LMO7: variants seen among roughly 807,000 people sequenced by gnomAD.
LMO7 encodes the protein LIM domain only protein 7.
Under a neutral mutation model 206.5 loss-of-function variants are expected in LMO7, and 120 were observed. The observed-to-expected ratio is 0.58, with a 90% CI of 0.50 to 0.68. The LOEUF (loss-of-function observed/expected upper bound fraction) is 0.68. Ranked by LOEUF, LMO7 falls within the 30% of genes least tolerant of loss-of-function variation. The probability of loss-of-function intolerance (pLI) is 0.00; values close to 1 mark genes in which losing one functional copy is unlikely to be tolerated. For missense variants in LMO7, 1,959 were observed against 1,957.9 expected (o/e 1.00, Z -0.01); for synonymous variants, 706 against 681.5 (o/e 1.04, Z -0.56).
At chr13:75,638,593 A>G (rs967044137) in intron 1 of LMO7, among the ~76,000 whole-genome samples, 2 of 152,146 alleles carry the variant, frequency 1.3e-5, no homozygotes, top group Non-Finnish European at 2.9e-5. Context: ...CCCACTTGGA[A>G]CAAGGCAGTA....
chr13:75,847,001 A>C (rs1208849228), intron 26 of LMO7, among the ~76,000 whole-genome samples: 1 of 149,182 alleles, frequency 6.7e-6, no homozygotes, highest in Non-Finnish European at 1.5e-5. Flanking sequence ...ACTGCACTCC[A>C]GCCTGGGTGA....
intron 1 of LMO7, among the ~76,000 whole-genome samples, chr13:75,705,099 C>T (rs903639766): frequency 5.3e-5 from 8 of 152,176 alleles, no homozygotes; most frequent in African/African-American, 1.9e-4. Context: ...GGCCGCTCCG[C>T]CCTTCATATG....
intron 4 of LMO7, among the ~76,000 whole-genome samples, chr13:75,786,436 G>A (rs543437977): frequency 1.5e-3 from 229 of 150,346 alleles, no homozygotes; most frequent in African/African-American, 5.3e-3. Flanking sequence ...GTGCAGTGGC[G>A]CAATCTCGGC....
intron 1 of LMO7, among the ~76,000 whole-genome samples, chr13:75,640,222 C>A (rs894650956): frequency 0.028 from 17 of 606 alleles, no homozygotes; most frequent in Admixed American, 0.12. Flanking sequence ...AAAGATTTAC[C>A]ATAGTGATTA....
At chr13:75,672,794 T>C (rs1159735450) in intron 1 of LMO7, among the ~76,000 whole-genome samples, 1 of 122,816 alleles carries the variant, frequency 8.1e-6, no homozygotes, top group Admixed American at 7.8e-5. Context: ...TTTATATTTA[T>C]CTGATAAGTG....
chr13:75,808,258 T>TCG, intron 10 of LMO7, 59 bp downstream of exon 10: 1 of 1,498,208 alleles, frequency 6.7e-7, no homozygotes, highest in African/African-American at 1.4e-5. Flanking sequence ...GTAACTTTTC[T>TCG]CATGCGAGAA....
intron 1 of LMO7, among the ~76,000 whole-genome samples, chr13:75,642,656 A>G (rs1410801032): frequency 6.6e-6 from 1 of 152,124 alleles, no homozygotes; most frequent in African/African-American, 2.4e-5. Flanking sequence ...CAGTTAGAGA[A>G]GTGGACCCAC....
intron 3 of LMO7, among the ~76,000 whole-genome samples, chr13:75,737,825 G>A (rs1406174962): frequency 2.4e-3 from 56 of 22,888 alleles, no homozygotes; most frequent in East Asian, 5.4e-3. Context: ...AATAAATATA[G>A]ATTCACAGGA....
intron 1 of LMO7, among the ~76,000 whole-genome samples, chr13:75,668,913 A>G (rs1470720853): frequency 6.6e-6 from 1 of 152,194 alleles, no homozygotes; most frequent in African/African-American, 2.4e-5. Flanking sequence ...ATTTTGAAGT[A>G]AGAATTGTAG....
At chr13:75,787,263 G>A (rs2052583940) in intron 4 of LMO7, among the ~76,000 whole-genome samples, 3 of 152,182 alleles carry the variant, frequency 2.0e-5, no homozygotes, top group Non-Finnish European at 2.9e-5. Context: ...TTAGCTTTAC[G>A]TAATAACAAG....
chr13:75,669,093 C>A (rs957920929), intron 1 of LMO7, among the ~76,000 whole-genome samples: 8 of 152,000 alleles, frequency 5.3e-5, no homozygotes, highest in African/African-American at 1.9e-4. Flanking sequence ...CAAGGGAAAC[C>A]CAGGAAAAAG....
chr13:75,804,766 A>G (rs930707037), intron 8 of LMO7: 10 of 1,069,952 alleles, frequency 9.3e-6, no homozygotes, highest in African/African-American at 3.2e-5. Flanking sequence ...TTTTAGATGC[A>G]TGACTTCAGT....
intron 11 of LMO7, among the ~76,000 whole-genome samples, chr13:75,816,610 C>G (rs1044579280): frequency 1.3e-5 from 2 of 152,166 alleles, no homozygotes; most frequent in Non-Finnish European, 2.9e-5. Context: ...TTAGAAACTA[C>G]CTGTGGTGCG....
At chr13:75,826,601 G>A (rs2058135214) in intron 15 of LMO7, among the ~76,000 whole-genome samples, 1 of 152,196 alleles carries the variant, frequency 6.6e-6, no homozygotes, top group Non-Finnish European at 1.5e-5. Flanking sequence ...TGAAGTTAGT[G>A]TGCTTACTAT....
At chr13:75,632,661 C>T (rs536217717), upstream of LMO7, among the ~76,000 whole-genome samples, 429 of 152,282 alleles carry the variant, frequency 2.8e-3, 2 homozygotes, top group Middle Eastern at 0.031. Context: ...TCTGGGCTGC[C>T]GCCCCCAAAG....
intron 1 of LMO7, among the ~76,000 whole-genome samples, chr13:75,705,475 AAG>A (rs2042585695): frequency 1.3e-5 from 2 of 151,968 alleles, no homozygotes; most frequent in Non-Finnish European, 2.9e-5. Context: ...GCAAACAAGA[AAG>A]AGAAGAAAAA....
At chr13:75,717,624 G>C (rs207474046) in intron 2 of LMO7, among the ~76,000 whole-genome samples, 3 of 151,752 alleles carry the variant, frequency 2.0e-5, no homozygotes, top group Non-Finnish European at 4.4e-5. Flanking sequence ...GTTTACTCTG[G>C]GACACTCAGA....
chr13:75,680,554 C>T (rs2040392151), intron 1 of LMO7, among the ~76,000 whole-genome samples: 1 of 150,872 alleles, frequency 6.6e-6, no homozygotes, highest in African/African-American at 2.4e-5. Flanking sequence ...GCCTTGACAG[C>T]ATCTGTTGTT....
chr13:75,854,376 A>AT (rs146550599), intron 28 of LMO7, among the ~76,000 whole-genome samples: 4,140 of 152,270 alleles, frequency 0.027, 106 homozygotes, highest in African/African-American at 0.058. Flanking sequence ...AGAGGTGAAG[A>AT]TTTAGGGTAA....
Sources: gnomAD v4.1 joint callset for allele counts (sites outside exome capture counted in the v4.1 genomes callset) on GRCh38, gnomAD v4.1.1 for gene constraint, MANE v1.5 for transcripts, NCBI Gene and HGNC (gene_info 2026-07-23, HGNC 2026-07-21) for gene names.